The following TDP1 variants were observed in gnomAD, a reference collection of about 807,000 sequenced individuals.
TDP1 encodes tyr-DNA phosphodiesterase 1.
TDP1 carries 64 observed loss-of-function variants against 81.5 expected under a neutral mutation model. That is an observed-to-expected ratio of 0.79 (90% CI 0.64 to 0.97). The LOEUF (loss-of-function observed/expected upper bound fraction) is 0.97, where lower values mean the gene tolerates loss of function less well. Among genes scored for constraint, TDP1 ranks in the 50% least tolerant of loss-of-function variants. The pLI is 0.00. For missense variants in TDP1, 723 were observed against 743.8 expected, an observed-to-expected ratio of 0.97 and a Z score of 0.33; for synonymous variants, 256 against 264.3, an observed-to-expected ratio of 0.97 and a Z score of 0.30.
chr14:90,016,046 C>CTT (rs1225633650), intron 14 of TDP1, among the ~76,000 whole-genome samples: 43 of 140,944 alleles, frequency 3.1e-4, no homozygotes, highest in African/African-American at 9.6e-4. Flanking sequence ...CTTTTTTTTT[C>CTT]TTTTTTTTTT....
At chr14:90,020,308 C>T (rs886277365) in intron 15 of TDP1, among the ~76,000 whole-genome samples, 9 of 151,860 alleles carry the variant, frequency 5.9e-5, no homozygotes, top group African/African-American at 1.5e-4. Context: ...AATACAGAAT[C>T]GCCCACACAA....
In TDP1 at chr14:90,039,232, G is replaced by A. The variant is rs35040107; in HGVS notation, c.1754-3838G>A. ...ATGGGTTTCAGATAACATTGATACC[G>A]TAATTACAAATAATTGCATTTCTAC... On this transcript the variant is annotated intron_variant, in intron 16 of 16. Coordinates refer to ENST00000335725, the MANE Select transcript of TDP1 (RefSeq NM_018319.4). Among the ~76,000 whole-genome samples the A allele has an allele frequency of 1.1e-3, 167 of 152,288 alleles. 1 individual carries two copies. Among genetic ancestry groups the A allele is most frequent in the African/African-American group, 3.8e-3 (156 of 41,568 alleles).
At chr14:89,991,279 A>T (rs1566882235) in intron 12 of TDP1, among the ~76,000 whole-genome samples, 1 of 152,104 alleles carries the variant, frequency 6.6e-6, no homozygotes, top group Non-Finnish European at 1.5e-5. Flanking sequence ...TTCAATTATA[A>T]TTTTTTGTTT....
chr14:90,029,929 T>G (rs1887092402), intron 15 of TDP1, among the ~76,000 whole-genome samples: 1 of 152,234 alleles, frequency 6.6e-6, no homozygotes, highest in Non-Finnish European at 1.5e-5. Flanking sequence ...ACTCATTTGT[T>G]TCCTGGAATA....
Position 89,994,793 on chromosome 14 carries a change from T to C in TDP1, c.1541+1310T>C. Among the ~76,000 whole-genome samples the C allele has an allele frequency of 1.3e-5, 2 of 152,182 alleles. 1 individual carries two copies. Among genetic ancestry groups the C allele is most frequent in the East Asian group, 3.8e-4 (2 of 5,196 alleles). ...CTAAGTAAAGAGGTGCTATTGTAAG[T>C]AGGCCTAGAAGTAAGCCTGAGAGAA... is the stretch of plus-strand genomic sequence containing the variant. On this transcript the variant is annotated intron_variant, in intron 14 of 16. Coordinates refer to ENST00000335725, the MANE Select transcript of TDP1 (RefSeq NM_018319.4).
intron 3 of TDP1, 53 bp downstream of exon 3, chr14:89,963,726 C>G: frequency 6.3e-7 from 1 of 1,598,734 alleles, no homozygotes; most frequent in Admixed American, 1.7e-5. Flanking sequence ...GAGAGTCTCT[C>G]CTCCGTGAAA....
intron 2 of TDP1, among the ~76,000 whole-genome samples, chr14:89,958,133 C>T (rs1050746951): frequency 2.6e-5 from 4 of 152,128 alleles, no homozygotes; most frequent in African/African-American, 4.8e-5. Flanking sequence ...GGTGTCCAGA[C>T]GAGGGGGATG....
intron 6 of TDP1, 122 bp downstream of exon 6, chr14:89,971,393 T>C (rs1893641582): frequency 1.3e-6 from 1 of 755,864 alleles, no homozygotes; most frequent in Non-Finnish European, 2.3e-6. Flanking sequence ...TCAATAGATA[T>C]TTGTCTAGCC....
chr14:89,964,148 C>T (rs747474369), intron 3 of TDP1, among the ~76,000 whole-genome samples: 4 of 152,204 alleles, frequency 2.6e-5, no homozygotes, highest in Non-Finnish European at 5.9e-5. Context: ...GGGGATTCTA[C>T]TGCCCAGTCA....
chr14:89,969,876 C>A (rs200454445), intron 5 of TDP1, among the ~76,000 whole-genome samples: 3 of 122,848 alleles, frequency 2.4e-5, no homozygotes, highest in Non-Finnish European at 3.2e-5. Context: ...ATACTTATTT[C>A]TTTTTTTTTT....
chr14:89,988,506 A>C, intron 10 of TDP1: 1 of 758,844 alleles, frequency 1.3e-6, no homozygotes, highest in African/African-American at 1.9e-5. Context: ...GCCAGGAAAC[A>C]GGGATGAAGA....
intron 14 of TDP1, among the ~76,000 whole-genome samples, chr14:90,004,716 C>T (rs1353637123): frequency 4.6e-5 from 7 of 152,132 alleles, no homozygotes; most frequent in Non-Finnish European, 7.3e-5. Flanking sequence ...GTAGACCTAT[C>T]GTCTCTCTGC....
chr14:89,996,368 C>T (rs1015534702), intron 14 of TDP1, among the ~76,000 whole-genome samples: 17 of 152,218 alleles, frequency 1.1e-4, no homozygotes, highest in African/African-American at 3.4e-4. Context: ...TCCTTTGCCC[C>T]TGAAGTCATC....
At position 89,968,195 on chromosome 14, in the gene TDP1, T is replaced by C. The variant is rs143542367; in HGVS notation, c.659+773T>C. 3.1e-3 allele frequency among the ~76,000 whole-genome samples: 471 copies of C among 149,646 alleles called. 3 individuals carry two copies. Among genetic ancestry groups the C allele is most frequent in the African/African-American group, 0.011 (443 of 40,554 alleles). The stretch of plus-strand genomic sequence containing the variant: ...TTTTTTTGACCTGTAACACACAGAA[T>C]TAGTTTTAGCTGCATGTAAAAGAAT... On this transcript the variant is annotated intron_variant, in intron 5 of 16. Coordinates refer to ENST00000335725, the MANE Select transcript of TDP1 (RefSeq NM_018319.4).
chr14:90,022,856 C>T (rs987623572), intron 15 of TDP1: 52 of 644,606 alleles, frequency 8.1e-5, no homozygotes, highest in African/African-American at 5.2e-4. Context: ...TGAGTTTATA[C>T]GTGCACAGGA....
Position 90,043,098 on chromosome 14 carries a change from T to C in TDP1, c.1782T>C (p.Tyr594=), listed in dbSNP as rs371178407. ...KDRPWIWNIP[Y]VKAPDTHGNM... is the part of the protein sequence containing the mutation. ...GGCCATGGATATGGAACATTCCTTA[T>C]GTCAAAGCACCGGATACGCATGGGA... Residue 594 remains tyrosine (Y), a synonymous_variant, in exon 17 of 17, where the codon TAT becomes TAC. Coordinates refer to ENST00000335725, the MANE Select transcript of TDP1 (RefSeq NM_018319.4). 3.1e-6 allele frequency: 5 copies of C among 1,614,096 alleles called. No individual in the cohort carries two copies. The highest frequency in any genetic ancestry group is 2.7e-5 in the African/African-American group (2 of 74,938).
intron 15 of TDP1, among the ~76,000 whole-genome samples, chr14:90,028,053 C>T (rs1886862100): frequency 6.6e-6 from 1 of 152,236 alleles, no homozygotes; most frequent in Non-Finnish European, 1.5e-5. Context: ...CCCAGCCCCA[C>T]ACAAACAGCC....
At chr14:89,967,310 A>G in intron 4 of TDP1, 57 bp from the exon 5 acceptor site, 1 of 1,513,098 alleles carries the variant, frequency 6.6e-7, no homozygotes, top group Non-Finnish European at 9.2e-7. Context: ...AATTCTCCTT[A>G]TGAACTGTTT....
chr14:89,988,247 T>G (rs1895788924), intron 10 of TDP1, among the ~76,000 whole-genome samples: 4 of 152,180 alleles, frequency 2.6e-5, no homozygotes, highest in African/African-American at 9.6e-5. Context: ...TTTTGGGTTT[T>G]TAATGGAGGC....
Sources: gnomAD v4.1 joint callset for allele counts (sites outside exome capture counted in the v4.1 genomes callset) on GRCh38, gnomAD v4.1.1 for gene constraint, MANE v1.5 for transcripts, NCBI Gene and HGNC (gene_info 2026-07-23, HGNC 2026-07-21) for gene names.